C1QTNF7: variants seen among roughly 807,000 people sequenced by gnomAD.
The protein encoded by C1QTNF7 is C1q and TNF related 7.
Under a neutral mutation model 19.6 loss-of-function variants are expected in C1QTNF7, and 15 were observed. The ratio of observed to expected loss-of-function variants is 0.76; its 90% CI spans 0.51 to 1.18. The LOEUF (loss-of-function observed/expected upper bound fraction) is 1.18. Ranked by LOEUF, C1QTNF7 falls within the 50% of genes most tolerant of loss-of-function variation. The pLI, the probability that C1QTNF7 is intolerant of heterozygous loss-of-function variation, is 0.00. For missense variants in C1QTNF7, 324 were observed against 359.7 expected (o/e 0.90, Z 0.80); for synonymous variants, 142 against 137.5 (o/e 1.03, Z -0.23).
chr4:15,346,056 C>T (rs1716707996), intron 1 of C1QTNF7, among the ~76,000 whole-genome samples: 1 of 152,110 alleles, frequency 6.6e-6, no homozygotes, highest in South Asian at 2.1e-4. Flanking sequence ...TTGACTAATC[C>T]TTCAGTCATT....
Position 15,413,252 on chromosome 4 carries a change from T to C in C1QTNF7, c.14-22484T>C, listed in dbSNP as rs1457374917. 3.9e-5 allele frequency among the ~76,000 whole-genome samples: 6 copies of C among 152,340 alleles called. No homozygotes were observed. In the East Asian group the frequency reaches 1.2e-3, roughly 29 times the overall value. ...TACCACCTATTTCCGTGGTTACCTA[T>C]CTATGTTTTTATTGTCATCTCTTCA... On this transcript the variant is annotated intron_variant, in intron 1 of 2. Transcript: ENST00000295297.
chr4:15,381,193 G>A (rs888315708), intron 1 of C1QTNF7, among the ~76,000 whole-genome samples: 3 of 152,050 alleles, frequency 2.0e-5, no homozygotes, highest in African/African-American at 7.3e-5. Flanking sequence ...TGAGGGAGGT[G>A]GATCACGAGG....
intron 2 of C1QTNF7, among the ~76,000 whole-genome samples, chr4:15,436,996 AATAATAGAT>A (rs1712563555): frequency 6.6e-6 from 1 of 152,238 alleles, no homozygotes; most frequent in African/African-American, 2.4e-5. Context: ...AACATTGCAC[AATAATAGAT>A]AAAGAACCTT....
chr4:15,403,641 A>T (rs564482017), intron 1 of C1QTNF7, among the ~76,000 whole-genome samples: 1 of 152,210 alleles, frequency 6.6e-6, no homozygotes, highest in East Asian at 1.9e-4. Flanking sequence ...TCATCTCAAG[A>T]TCCTTAATTA....
intron 1 of C1QTNF7, among the ~76,000 whole-genome samples, chr4:15,435,526 G>C (rs1000856819): frequency 6.6e-6 from 1 of 152,168 alleles, no homozygotes; most frequent in East Asian, 1.9e-4. Context: ...ACCAACTCCC[G>C]TGTAGGGCAC....
At chr4:15,380,021 C>T (rs756339903) in intron 1 of C1QTNF7, among the ~76,000 whole-genome samples, 1 of 152,164 alleles carries the variant, frequency 6.6e-6, no homozygotes, top group Non-Finnish European at 1.5e-5. Context: ...CCATGTGGGC[C>T]ATTCTTCCAT....
intron 1 of C1QTNF7, among the ~76,000 whole-genome samples, chr4:15,369,737 A>G (rs1458162631): frequency 6.6e-6 from 1 of 152,348 alleles, no homozygotes; most frequent in South Asian, 2.1e-4. Context: ...GATGAAAACA[A>G]TGGGAAAGAA....
At chr4:15,352,392 AGGCCCAC>A (rs1716971413) in intron 1 of C1QTNF7, among the ~76,000 whole-genome samples, 2 of 152,170 alleles carry the variant, frequency 1.3e-5, no homozygotes. Context: ...TATGACCCCA[AGGCCCAC>A]GGTCTTTTCA....
intron 1 of C1QTNF7, among the ~76,000 whole-genome samples, chr4:15,366,525 C>T (rs779684328): frequency 5.3e-5 from 8 of 152,168 alleles, no homozygotes; most frequent in Non-Finnish European, 1.2e-4. Context: ...TTGCCTCCCT[C>T]CTCTGCCTTT....
chr4:15,419,661 C>T (rs576839228), intron 1 of C1QTNF7, among the ~76,000 whole-genome samples: 24 of 151,778 alleles, frequency 1.6e-4, no homozygotes, highest in Non-Finnish European at 2.5e-4. Flanking sequence ...ATTTCGTGAG[C>T]GTATATTTAA....
chr4:15,412,053 C>A (rs1719422135), intron 1 of C1QTNF7, among the ~76,000 whole-genome samples: 1 of 152,120 alleles, frequency 6.6e-6, no homozygotes, highest in African/African-American at 2.4e-5. Context: ...TATATTCTCA[C>A]AGGAGCGCAA....
chr4:15,349,748 C>T (rs901922839), intron 1 of C1QTNF7, among the ~76,000 whole-genome samples: 5 of 152,122 alleles, frequency 3.3e-5, no homozygotes, highest in African/African-American at 1.2e-4. Context: ...AATGTTTTTC[C>T]TCATATCTGT....
At chr4:15,377,688 T>C (rs1478137957) in intron 1 of C1QTNF7, among the ~76,000 whole-genome samples, 2 of 152,068 alleles carry the variant, frequency 1.3e-5, no homozygotes, top group African/African-American at 4.8e-5. Flanking sequence ...ATGGAAAGGG[T>C]GGTGGAGCAG....
chr4:15,366,168 T>C (rs1717516267), intron 1 of C1QTNF7, among the ~76,000 whole-genome samples: 4 of 152,322 alleles, frequency 2.6e-5, no homozygotes, highest in Admixed American at 2.6e-4. Flanking sequence ...GATGAACAGC[T>C]TTTCCTGATT....
chr4:15,390,555 C>T (rs1356965249), intron 1 of C1QTNF7, among the ~76,000 whole-genome samples: 1 of 152,168 alleles, frequency 6.6e-6, no homozygotes, highest in African/African-American at 2.4e-5. Flanking sequence ...GATGGTCCAC[C>T]TTGCATTTCA....
intron 1 of C1QTNF7, among the ~76,000 whole-genome samples, chr4:15,428,842 T>G (rs1712175107): frequency 6.6e-6 from 1 of 152,214 alleles, no homozygotes; most frequent in South Asian, 2.1e-4. Flanking sequence ...AAATGTCCCG[T>G]TTTGGCTTTT....
chr4:15,409,558 T>A (rs956300517), intron 1 of C1QTNF7, among the ~76,000 whole-genome samples: 1 of 152,246 alleles, frequency 6.6e-6, no homozygotes, highest in Non-Finnish European at 1.5e-5. Context: ...TGCATAGCCA[T>A]GGTCAGAACC....
chr4:15,348,776 G>C (rs1048200069), intron 1 of C1QTNF7, among the ~76,000 whole-genome samples: 2 of 152,158 alleles, frequency 1.3e-5, no homozygotes, highest in Non-Finnish European at 2.9e-5. Context: ...AAATGGCAAT[G>C]TCATATAGTT....
At chr4:15,391,939 G>A (rs1718574479) in intron 1 of C1QTNF7, among the ~76,000 whole-genome samples, 1 of 152,118 alleles carries the variant, frequency 6.6e-6, no homozygotes, top group Non-Finnish European at 1.5e-5. Flanking sequence ...TGGGTCTTAT[G>A]AATACAGACA....
Sources: allele counts gnomAD v4.1 joint callset (sites outside exome capture counted in the v4.1 genomes callset), GRCh38; gene constraint gnomAD v4.1.1; transcripts MANE v1.5; gene names NCBI Gene and HGNC (gene_info 2026-07-23, HGNC 2026-07-21).